PARP16: variants seen among roughly 807,000 people sequenced by gnomAD.
The protein encoded by PARP16 is poly(ADP-ribose) polymerase family member 16.
Under a neutral mutation model 35.0 loss-of-function variants are expected in PARP16, and 31 were observed. That is an observed-to-expected ratio of 0.88 (90% confidence interval 0.66 to 1.19). The LOEUF (loss-of-function observed/expected upper bound fraction) is 1.19. Ranked by LOEUF, PARP16 falls within the 50% of genes most tolerant of loss-of-function variation. The pLI, the probability that PARP16 is intolerant of heterozygous loss-of-function variation, is 0.00. For synonymous variants in PARP16, 162 were observed against 169.5 expected (o/e 0.96, Z 0.34); for missense variants, 424 against 411.2 (o/e 1.03, Z -0.27).
downstream of PARP16, among the ~76,000 whole-genome samples, chr15:65,231,553 G>C (rs1325970587): frequency 1.3e-5 from 2 of 151,334 alleles, no homozygotes; most frequent in Admixed American, 6.6e-5. Flanking sequence ...CAGTTCAAGA[G>C]ATTCTTGTGC....
intron 1 of PARP16, among the ~76,000 whole-genome samples, chr15:65,274,631 A>G (rs945569705): frequency 1.5e-4 from 23 of 150,310 alleles, no homozygotes; most frequent in Non-Finnish European, 3.0e-4. Context: ...TATTGGTGCT[A>G]TTTCTATGCC....
chr15:65,279,272 C>A lies in PARP16; in HGVS notation c.174+6981G>T, dbSNP rs551395607. On this transcript the variant is annotated intron_variant, in intron 1 of 5. Transcript: ENST00000649807. ...AGCTACGTGTAGTAACAGCTCAAGA[C>A]AGCGCCACACAAACAGTAAGTGCTA... 3.0e-4 allele frequency among the ~76,000 whole-genome samples: 45 copies of A among 152,302 alleles called. 1 individual carries two copies. In the South Asian group the frequency reaches 9.3e-3, roughly 32 times the overall value.
chr15:65,252,603 C>T (rs1318812285), intron 2 of PARP16, among the ~76,000 whole-genome samples: 1 of 152,224 alleles, frequency 6.6e-6, no homozygotes, highest in African/African-American at 2.4e-5. Flanking sequence ...CTGGGGTCCT[C>T]CTTTGGCCAA....
At chr15:65,239,811 C>T (rs1266280124) in intron 3 of PARP16, among the ~76,000 whole-genome samples, 1 of 150,548 alleles carries the variant, frequency 6.6e-6, no homozygotes. Flanking sequence ...CACCTTCCAC[C>T]ACGCCTGGCT....
chr15:65,235,639 CAAAAAA>C (rs57790733), intron 3 of PARP16, among the ~76,000 whole-genome samples: 60 of 83,686 alleles, frequency 7.2e-4, no homozygotes, highest in Admixed American at 1.6e-3. Flanking sequence ...CCTATCTCTA[CAAAAAA>C]AAAAAAAAAA....
intron 4 of PARP16, among the ~76,000 whole-genome samples, chr15:65,262,405 T>G (rs1298823138): frequency 6.6e-6 from 1 of 152,216 alleles, no homozygotes; most frequent in African/African-American, 2.4e-5. Context: ...GTGCTGGGAT[T>G]ACAGGCGTGA....
Position 65,286,526 on chromosome 15 carries a change from G to C in PARP16, c.-100C>G. 1 of 933,884 alleles carries C rather than the reference G, an allele frequency of 1.1e-6. No homozygotes were observed. Among genetic ancestry groups the C allele is most frequent in the Non-Finnish European group, 1.5e-6 (1 of 667,850 alleles). The allele number at this position is 933,884 out of a possible 1,614,324, so 57.8% of individuals were successfully genotyped here. A position where few individuals can be genotyped will look rare whatever the true frequency, so the allele number is the denominator to read the frequency against. ...TGGGCCCGCGGACAATGGGCCGTCA[G>C]GGGCCGGGTTCCCAAGCCTGGGGTG... On this transcript the variant is annotated 5_prime_UTR_variant, in exon 1 of 6. Coordinates refer to ENST00000649807, the MANE Select transcript of PARP16 (RefSeq NM_001316943.2).
chr15:65,271,010 G>C lies in PARP16; in HGVS notation c.237C>G (p.His79Gln). The change falls in exon 2 of 6, where the codon CAC becomes CAG. Residue 79 changes from histidine (H) to glutamine (Q), a missense_variant. By Grantham distance (24) the His-to-Gln change is conservative. Transcript: ENST00000649807. ...KELLQSSGDN[H>Q]KRAWDLVSWI... ...AGCTCACCAGGTCCCAGGCCCGTTT[G>C]TGGTTGTCTCCGGAGGACTGGAGAA... The C allele has an allele frequency of 6.2e-7, 1 of 1,614,012 alleles. No individual in the cohort carries two copies. Among genetic ancestry groups the C allele is most frequent in the South Asian group, 1.1e-5 (1 of 91,072 alleles).
intron 3 of PARP16, among the ~76,000 whole-genome samples, chr15:65,265,188 A>G (rs1370258574): frequency 1.3e-5 from 2 of 152,254 alleles, no homozygotes; most frequent in Non-Finnish European, 2.9e-5. Flanking sequence ...CTCACAGACA[A>G]GGCAGATACT....
At position 65,271,313 on chromosome 15, in the gene PARP16, G is replaced by A. The variant is rs557779390; in HGVS notation, c.175-241C>T. ...TTTTGAGACAGGGTCTCACTCTGTCGCCCAGGCTGGAGAGCAGTGGCATGA... is the reference window on the plus strand; with the variant it reads ...TTTTGAGACAGGGTCTCACTCTGTCACCCAGGCTGGAGAGCAGTGGCATGA... On this transcript the variant is annotated intron_variant, in intron 1 of 5. Transcript: ENST00000649807. Among the ~76,000 whole-genome samples the A allele has an allele frequency of 1.4e-4, 21 of 151,726 alleles. No individual in the cohort carries two copies. The South Asian group carries it at 1.9e-3, about 14-fold the overall frequency.
At chr15:65,265,592 G>C (rs995968754) in intron 3 of PARP16, among the ~76,000 whole-genome samples, 3 of 152,162 alleles carry the variant, frequency 2.0e-5, no homozygotes, top group African/African-American at 7.2e-5. Context: ...GGTGCATCTT[G>C]GCATATCCCT....
intron 2 of PARP16, among the ~76,000 whole-genome samples, chr15:65,269,722 T>C (rs919711794): frequency 1.3e-5 from 2 of 152,202 alleles, no homozygotes; most frequent in Non-Finnish European, 2.9e-5. Context: ...TAGGCTAACA[T>C]ACTTACTTGG....
chr15:65,270,928 G>T lies in PARP16; in HGVS notation c.312+7C>A, dbSNP rs538041485. ...AAAATCTGTGATGCTACGGACCAAAGTCTCACCTCTGCCTTCCCTGCACTG... is the reference window on the plus strand; with the variant it reads ...AAAATCTGTGATGCTACGGACCAAATTCTCACCTCTGCCTTCCCTGCACTG... On this transcript the variant is annotated splice_region_variant and intron_variant, in intron 2 of 5. Transcript: ENST00000649807. 1.2e-6 allele frequency: 2 copies of T among 1,614,038 alleles called. No homozygotes were observed. The highest frequency in any genetic ancestry group is 2.2e-5 in the South Asian group (2 of 91,076).
intron 2 of PARP16, chr15:65,248,303 A>C: frequency 2.2e-6 from 1 of 456,408 alleles, no homozygotes; most frequent in Non-Finnish European, 4.4e-6. Context: ...ATCAAGAATG[A>C]GTGAATGAAT....
At chr15:65,233,308 A>C (rs951336913), downstream of PARP16, among the ~76,000 whole-genome samples, 1 of 152,188 alleles carries the variant, frequency 6.6e-6, no homozygotes, top group South Asian at 2.1e-4. Context: ...AGGCTGAGGC[A>C]GGAGAATGGT....
intron 1 of PARP16, among the ~76,000 whole-genome samples, chr15:65,284,598 T>G (rs1334613447): frequency 6.6e-6 from 1 of 150,618 alleles, no homozygotes; most frequent in Non-Finnish European, 1.5e-5. Context: ...AGTGCTGGGA[T>G]TACAGGTGTG....
downstream of PARP16, among the ~76,000 whole-genome samples, chr15:65,253,581 C>T (rs1031170447): frequency 2.6e-5 from 4 of 152,082 alleles, no homozygotes; most frequent in African/African-American, 4.8e-5. Flanking sequence ...CCGCCCGCCT[C>T]GGCCTCCCAA....
chr15:65,234,127 T>A (rs1439908870), downstream of PARP16, among the ~76,000 whole-genome samples: 2 of 152,170 alleles, frequency 1.3e-5, no homozygotes, highest in Non-Finnish European at 2.9e-5. Context: ...TACACACAGA[T>A]AAAATGTATG....
chr15:65,233,876 G>GT (rs1219757995), downstream of PARP16, among the ~76,000 whole-genome samples: 1 of 152,056 alleles, frequency 6.6e-6, no homozygotes, highest in Non-Finnish European at 1.5e-5. Flanking sequence ...TTTGGCCTGA[G>GT]TATTCCTTAC....
Sources: allele counts gnomAD v4.1 joint callset (sites outside exome capture counted in the v4.1 genomes callset), GRCh38; gene constraint gnomAD v4.1.1; transcripts MANE v1.5; gene names NCBI Gene and HGNC (gene_info 2026-07-23, HGNC 2026-07-21).